The following ZNF148 variants were observed in gnomAD, a reference collection of about 807,000 sequenced individuals.
The protein encoded by ZNF148 is zinc finger protein 148.
A neutral mutation model predicts 67.7 loss-of-function variants in ZNF148; 7 were observed. That is an observed-to-expected ratio of 0.10 (90% confidence interval 0.06 to 0.19). The LOEUF is 0.19. ZNF148 is among the 10% of genes least tolerant of loss of function. The pLI is 1.00. For missense variants in ZNF148, 583 were observed against 947.1 expected (o/e 0.62, Z 5.05); for synonymous variants, 333 against 330.7 (o/e 1.01, Z -0.08).
At chr3:125,276,556 C>T (rs968496445) in intron 7 of ZNF148, among the ~76,000 whole-genome samples, 4 of 152,050 alleles carry the variant, frequency 2.6e-5, no homozygotes, top group Non-Finnish European at 4.4e-5. Context: ...GCCTCAGCCT[C>T]CCGAGTAGCT....
At chr3:125,283,924 T>C (rs748929638) in intron 5 of ZNF148, among the ~76,000 whole-genome samples, 4 of 152,192 alleles carry the variant, frequency 2.6e-5, no homozygotes, top group Non-Finnish European at 4.4e-5. Context: ...CTTTGAATAA[T>C]GAATTTTTAT....
chr3:125,276,685 C>G (rs1294871213), intron 7 of ZNF148, among the ~76,000 whole-genome samples: 1 of 152,112 alleles, frequency 6.6e-6, no homozygotes, highest in Non-Finnish European at 1.5e-5. Context: ...CCGCCCACCT[C>G]AGCCTCCCAA....
At chr3:125,320,952 T>C (rs750320721) in intron 3 of ZNF148, among the ~76,000 whole-genome samples, 2 of 152,186 alleles carry the variant, frequency 1.3e-5, no homozygotes, top group Non-Finnish European at 2.9e-5. Flanking sequence ...CCAGATCATT[T>C]GGTGAGATGA....
intron 1 of ZNF148, among the ~76,000 whole-genome samples, chr3:125,368,999 C>T (rs951157769): frequency 6.7e-6 from 1 of 149,662 alleles, no homozygotes; most frequent in Non-Finnish European, 1.5e-5. Context: ...CAGTGGCTCA[C>T]ACCTGTAATC....
intron 7 of ZNF148, among the ~76,000 whole-genome samples, chr3:125,246,142 T>A (rs1399067529): frequency 1.3e-5 from 2 of 152,234 alleles, no homozygotes; most frequent in South Asian, 2.1e-4. Flanking sequence ...AAAAATGGTA[T>A]CCACTGTTGT....
At chr3:125,299,409 A>G (rs938290442) in intron 4 of ZNF148, among the ~76,000 whole-genome samples, 9 of 152,216 alleles carry the variant, frequency 5.9e-5, no homozygotes, top group African/African-American at 1.9e-4. Context: ...TTACACCTGT[A>G]ATCCCAACAC....
intron 2 of ZNF148, among the ~76,000 whole-genome samples, chr3:125,326,671 G>A (rs1941031179): frequency 1.4e-5 from 2 of 145,014 alleles, no homozygotes; most frequent in African/African-American, 5.0e-5. Flanking sequence ...ATATATATGA[G>A]TATATATATA....
At position 125,227,549 on chromosome 3, in the gene ZNF148, A is replaced by G. The variant is rs899955872; in HGVS notation, c.*4792T>C. Reference sequence around the variant, plus strand: ...CAGATTAAATTCAGCACTACACAGTATGCCCTTGAAGTAAAATGAGGTTAC... The same window carrying G: ...CAGATTAAATTCAGCACTACACAGTGTGCCCTTGAAGTAAAATGAGGTTAC... On this transcript the variant is annotated 3_prime_UTR_variant, in exon 9 of 9. Transcript: ENST00000360647. The G allele has an allele frequency of 3.3e-5, 5 of 152,616 alleles. No individual in the cohort carries two copies. The highest frequency in any genetic ancestry group is 1.2e-4 in the African/African-American group (5 of 41,450). 9.5% of individuals were successfully genotyped at this position (152,616 alleles called of 1,614,324 possible).
In ZNF148 at chr3:125,277,709, G is replaced by A. The variant is rs369628715; in HGVS notation, c.667+17C>T. 6.3e-6 allele frequency: 10 copies of A among 1,584,792 alleles called. No individual in the cohort carries two copies. The African/African-American group carries it at 1.2e-4, about 19-fold the overall frequency. On this transcript the variant is annotated intron_variant, in intron 7 of 8. Coordinates refer to ENST00000360647, the MANE Select transcript of ZNF148 (RefSeq NM_021964.3). ...ATAATCATTTTAATGAACCTAGTAA[G>A]GGTGGTTAACACTCACCAGTATGAA...
At chr3:125,263,687 C>A (rs1260103168) in intron 7 of ZNF148, among the ~76,000 whole-genome samples, 1 of 152,136 alleles carries the variant, frequency 6.6e-6, no homozygotes, top group Non-Finnish European at 1.5e-5. Flanking sequence ...GTCCCTGATT[C>A]CTGACAGAGC....
intron 1 of ZNF148, among the ~76,000 whole-genome samples, chr3:125,354,320 T>G (rs1046174519): frequency 1.3e-5 from 2 of 152,146 alleles, no homozygotes; most frequent in Non-Finnish European, 2.9e-5. Flanking sequence ...CTCAGTTCAC[T>G]TTTTTTGTTT....
chr3:125,288,351 T>G, intron 4 of ZNF148, 123 bp from the exon 5 acceptor site: 1 of 999,866 alleles, frequency 1.0e-6, no homozygotes, highest in Non-Finnish European at 1.4e-6. Flanking sequence ...ATGATCTATG[T>G]GTGTGTGTCC....
At chr3:125,241,183 TA>T (rs571707942) in intron 7 of ZNF148, among the ~76,000 whole-genome samples, 28 of 151,560 alleles carry the variant, frequency 1.8e-4, no homozygotes, top group Admixed American at 3.3e-4. Context: ...TTTACAGAGT[TA>T]AAAAAAAATC....
At chr3:125,306,701 T>A (rs1412702382) in intron 4 of ZNF148, among the ~76,000 whole-genome samples, 3 of 151,848 alleles carry the variant, frequency 2.0e-5, no homozygotes, top group Admixed American at 6.6e-5. Context: ...ACAAAAAAAA[T>A]TTTTTCTAAT....
chr3:125,244,942 C>T (rs1386443451), intron 7 of ZNF148, among the ~76,000 whole-genome samples: 1 of 152,132 alleles, frequency 6.6e-6, no homozygotes, highest in East Asian at 1.9e-4. Flanking sequence ...CTTTCCAGCT[C>T]ACCCTCTTCC....
chr3:125,233,149 T>G lies in ZNF148; in HGVS notation c.1577A>C (p.Glu526Ala). The change falls in exon 9 of 9, where the codon GAG becomes GCG. Residue 526 changes from glutamate to alanine, a missense_variant. Glu to Ala is a moderately radical substitution (Grantham distance 107, BLOSUM62 -1). Coordinates refer to ENST00000360647, the MANE Select transcript of ZNF148 (RefSeq NM_021964.3). This position sits in a 1 kb window ranked among gnomAD's most constrained non-coding sequence, Gnocchi z 5.1. ...SILESQALNV[E>A]IKSNHDKNVI... Reference sequence around the variant, plus strand: ...ATTTTTGTCATGATTACTCTTAATCTCCACATTCAGTGCCTGTGACTCTAA... The same window carrying G: ...ATTTTTGTCATGATTACTCTTAATCGCCACATTCAGTGCCTGTGACTCTAA... 1 of 1,613,848 alleles carries G rather than the reference T, an allele frequency of 6.2e-7. No homozygotes were observed. Among genetic ancestry groups the G allele is most frequent in the Non-Finnish European group, 8.5e-7 (1 of 1,179,870 alleles).
intron 1 of ZNF148, among the ~76,000 whole-genome samples, chr3:125,351,380 C>CAAA (rs1158167448): frequency 0.28 from 14,145 of 51,140 alleles, 3,969 homozygotes; most frequent in East Asian, 0.4. Flanking sequence ...CCTTGTTTCT[C>CAAA]AAAAAAAAAA....
At chr3:125,266,159 T>C (rs115152723) in intron 7 of ZNF148, among the ~76,000 whole-genome samples, 175 of 152,234 alleles carry the variant, frequency 1.1e-3, no homozygotes, top group African/African-American at 4.1e-3. Context: ...AAATAGATTA[T>C]TGAGGCAGAA....
chr3:125,313,511 C>G lies in ZNF148; in HGVS notation c.130G>C (p.Asp44His). ...GQSTVSGELQ[D>H]SVLQDRSMPH... is the part of the protein sequence containing the mutation. ...ATACTTCGATCTTGAAGTACTGAATCCTGTAGCTCTCCAGACACAGTAGAC... is the reference window on the plus strand; with the variant it reads ...ATACTTCGATCTTGAAGTACTGAATGCTGTAGCTCTCCAGACACAGTAGAC... The change falls in exon 4 of 9, where the codon GAT becomes CAT. Residue 44 changes from aspartate (D) to histidine (H), a missense_variant. This residue lies in a region of ZNF148 where 150 missense variants were observed against 202.5 expected (regional missense o/e 0.74). Transcript: ENST00000360647. The G allele has an allele frequency of 1.2e-6, 2 of 1,614,132 alleles. No individual in the cohort carries two copies. Among genetic ancestry groups the G allele is most frequent in the South Asian group, 2.2e-5 (2 of 91,088 alleles).
Sources: allele counts gnomAD v4.1 joint callset (sites outside exome capture counted in the v4.1 genomes callset), GRCh38; gene constraint gnomAD v4.1.1; regional missense constraint gnomAD v4.1.1; non-coding constraint Gnocchi (gnomAD v3.1); transcripts MANE v1.5; gene names NCBI Gene and HGNC (gene_info 2026-07-23, HGNC 2026-07-21).